Variants in HS3ST5 observed in about 807,000 individuals in gnomAD.
HS3ST5 encodes the protein heparan sulfate-glucosamine 3-sulfotransferase 5.
A neutral mutation model predicts 25.4 loss-of-function variants in HS3ST5; 10 were observed. The ratio of observed to expected loss-of-function variants is 0.39; its 90% CI spans 0.24 to 0.67. The LOEUF (loss-of-function observed/expected upper bound fraction) is 0.67, where lower values mean the gene tolerates loss of function less well. HS3ST5 is among the 30% of genes least tolerant of loss of function. The pLI, the probability that HS3ST5 is intolerant of heterozygous loss-of-function variation, is 0.44. For missense variants in HS3ST5, 324 were observed against 420.7 expected (o/e 0.77, Z 2.01); for synonymous variants, 170 against 162.4 (o/e 1.05, Z -0.36).
intron 1 of HS3ST5, chr6:114,238,932 GTAA>G (rs1324771858): frequency 6.6e-6 from 1 of 152,128 alleles, no homozygotes; most frequent in Non-Finnish European, 1.5e-5. Context: ...TTTCAAATTA[GTAA>G]TTATCCCTTG....
chr6:114,072,298 A>C (rs1339451674), intron 3 of HS3ST5, among the ~76,000 whole-genome samples: 1 of 116,100 alleles, frequency 8.6e-6, no homozygotes, highest in African/African-American at 2.9e-5. Context: ...TTAAGAAAGA[A>C]AAAAAAAATT....
intron 3 of HS3ST5, chr6:114,112,419 A>G (rs1319405969): frequency 6.6e-6 from 1 of 152,256 alleles, no homozygotes; most frequent in African/African-American, 2.4e-5. Context: ...TGCCTCCAGA[A>G]GGAATGCAGC....
chr6:114,288,208 T>A (rs1030449749), intron 1 of HS3ST5, among the ~76,000 whole-genome samples: 1 of 152,098 alleles, frequency 6.6e-6, no homozygotes, highest in Non-Finnish European at 1.5e-5. Flanking sequence ...CAGCATTTGA[T>A]AGAGTAATCT....
intron 3 of HS3ST5, among the ~76,000 whole-genome samples, chr6:114,117,537 A>G (rs1416106026): frequency 6.6e-6 from 1 of 152,176 alleles, no homozygotes; most frequent in Non-Finnish European, 1.5e-5. Flanking sequence ...AAGCACTTCA[A>G]AAGAGTTAAA....
At chr6:114,074,087 T>TG (rs1226544874) in intron 3 of HS3ST5, among the ~76,000 whole-genome samples, 1 of 151,634 alleles carries the variant, frequency 6.6e-6, no homozygotes, top group East Asian at 1.9e-4. Flanking sequence ...AAGTGGGAGC[T>TG]GAACAATGAG....
intron 3 of HS3ST5, among the ~76,000 whole-genome samples, chr6:114,152,758 T>A (rs778248890): frequency 8.5e-5 from 13 of 152,184 alleles, no homozygotes; most frequent in South Asian, 8.3e-4. Flanking sequence ...CGATCCCAAG[T>A]GGCCTGCCCC....
intron 2 of HS3ST5, among the ~76,000 whole-genome samples, chr6:114,175,440 C>T (rs181083457): frequency 3.9e-5 from 6 of 152,234 alleles, no homozygotes; most frequent in Admixed American, 3.9e-4. Context: ...TTCTTTGCAT[C>T]CAAAATTCAA....
intron 1 of HS3ST5, among the ~76,000 whole-genome samples, chr6:114,244,614 C>T (rs1772296672): frequency 6.6e-6 from 1 of 152,124 alleles, no homozygotes; most frequent in South Asian, 2.1e-4. Flanking sequence ...TGTATCTGTA[C>T]CTTCAAGCTG....
chr6:114,334,021 G>T (rs1369487083), intron 1 of HS3ST5, among the ~76,000 whole-genome samples: 1 of 152,092 alleles, frequency 6.6e-6, no homozygotes, highest in Non-Finnish European at 1.5e-5. Flanking sequence ...GTTTCCCCAG[G>T]TCCTCCTGTC....
chr6:114,113,402 C>T (rs1776363189), intron 3 of HS3ST5, among the ~76,000 whole-genome samples: 1 of 151,960 alleles, frequency 6.6e-6, no homozygotes, highest in Non-Finnish European at 1.5e-5. Context: ...ACAACTTTTC[C>T]CTTCATTTAC....
At chr6:114,064,486 T>G (rs939651968) in intron 3 of HS3ST5, among the ~76,000 whole-genome samples, 5 of 152,314 alleles carry the variant, frequency 3.3e-5, no homozygotes, top group South Asian at 2.1e-4. Flanking sequence ...TAAAATTTTT[T>G]TGTGTGTGTG....
rs559118903 is a variant in HS3ST5, at chr6:114,141,920, C to A, written c.-33+26431G>T. 4.0e-5 allele frequency among the ~76,000 whole-genome samples: 6 copies of A among 150,228 alleles called. No homozygotes were observed. In the East Asian group the frequency reaches 1.2e-3, roughly 30 times the overall value. On this transcript the variant is annotated intron_variant, in intron 3 of 4. Transcript: ENST00000312719. Reference sequence around the variant, plus strand: ...TGTGTGTGTGTATTTTGCATACAAGCCTGCCATGCGAATGGCTCTCAGATC... The same window carrying A: ...TGTGTGTGTGTATTTTGCATACAAGACTGCCATGCGAATGGCTCTCAGATC...
chr6:114,190,731 A>G (rs1450489574), intron 2 of HS3ST5, among the ~76,000 whole-genome samples: 1 of 152,198 alleles, frequency 6.6e-6, no homozygotes, highest in East Asian at 1.9e-4. Flanking sequence ...TATTTCTCCC[A>G]ATATTAAGAT....
intron 1 of HS3ST5, among the ~76,000 whole-genome samples, chr6:114,270,985 G>A (rs1361320780): frequency 6.6e-6 from 1 of 151,806 alleles, no homozygotes; most frequent in African/African-American, 2.4e-5. Context: ...ATTATAATAG[G>A]TTATCATAGA....
chr6:114,165,642 T>C (rs1027049680), intron 3 of HS3ST5, among the ~76,000 whole-genome samples: 9 of 152,194 alleles, frequency 5.9e-5, no homozygotes, highest in African/African-American at 2.2e-4. Context: ...CTGAGGCAAC[T>C]TGACGTCAGT....
chr6:114,273,497 G>A (rs1773718025), intron 1 of HS3ST5, among the ~76,000 whole-genome samples: 1 of 151,974 alleles, frequency 6.6e-6, no homozygotes, highest in African/African-American at 2.4e-5. Context: ...AATCATTAAA[G>A]GAGTGAGAAG....
At chr6:114,270,235 G>A (rs2114698668) in intron 1 of HS3ST5, among the ~76,000 whole-genome samples, 1 of 152,142 alleles carries the variant, frequency 6.6e-6, no homozygotes, top group Non-Finnish European at 1.5e-5. Context: ...CTAATATAAA[G>A]GCAAGTTATA....
chr6:114,169,918 T>C (rs189210386), intron 2 of HS3ST5, among the ~76,000 whole-genome samples: 8 of 152,266 alleles, frequency 5.3e-5, no homozygotes, highest in Admixed American at 2.6e-4. Context: ...GCCCTTTCAG[T>C]CACCAGAGGT....
intron 3 of HS3ST5, among the ~76,000 whole-genome samples, chr6:114,064,847 C>A (rs977160690): frequency 1.3e-5 from 2 of 151,956 alleles, no homozygotes; most frequent in African/African-American, 2.4e-5. Flanking sequence ...TGGGGTGACA[C>A]CTGGAGGAGG....
Sources: gnomAD v4.1 joint callset for allele counts (sites outside exome capture counted in the v4.1 genomes callset) on GRCh38, gnomAD v4.1.1 for gene constraint, MANE v1.5 for transcripts, NCBI Gene and HGNC (gene_info 2026-07-23, HGNC 2026-07-21) for gene names.